PTPN3: variants seen among roughly 807,000 people sequenced by gnomAD.
PTPN3 encodes protein tyrosine phosphatase non-receptor type 3.
In PTPN3, 96 loss-of-function variants were observed where a neutral mutation model predicts 132.7. The observed-to-expected ratio is 0.72, with a 90% CI of 0.61 to 0.86. The LOEUF (loss-of-function observed/expected upper bound fraction) is 0.86, where lower values mean the gene tolerates loss of function less well. Among genes scored for constraint, PTPN3 ranks in the 40% least tolerant of loss-of-function variants. PTPN3 has a pLI of 0.00. For synonymous variants in PTPN3, 398 were observed against 429.0 expected, an observed-to-expected ratio of 0.93 and a Z score of 0.89; for missense variants, 1,125 against 1,159.6, an observed-to-expected ratio of 0.97 and a Z score of 0.43.
chr9:109,444,110 A>G (rs549738621), intron 7 of PTPN3, among the ~76,000 whole-genome samples: 1 of 152,326 alleles, frequency 6.6e-6, no homozygotes, highest in South Asian at 2.1e-4. Context: ...AGACCTGATC[A>G]TCTTGCTGCC....
intron 1 of PTPN3, among the ~76,000 whole-genome samples, chr9:109,482,442 CA>C (rs750711666): frequency 7.9e-5 from 12 of 152,070 alleles, no homozygotes; most frequent in South Asian, 2.1e-4. Context: ...ATCTGAAAGA[CA>C]AAAAAACCCC....
chr9:109,531,417 A>T, the PTPN3 span, among the ~76,000 whole-genome samples: 3 of 152,312 alleles, frequency 2.0e-5, no homozygotes, highest in Non-Finnish European at 1.5e-5. Flanking sequence ...AACCCTGATC[A>T]TGCCAAAAGC....
the PTPN3 span, among the ~76,000 whole-genome samples, chr9:109,514,141 C>A: frequency 5.1e-3 from 776 of 152,314 alleles, 13 homozygotes; most frequent in African/African-American, 0.018. Context: ...TTTCTCACAT[C>A]CTTCCCAAGC....
At chr9:109,531,615 G>A in the PTPN3 span, among the ~76,000 whole-genome samples, 2 of 152,346 alleles carry the variant, frequency 1.3e-5, no homozygotes, top group East Asian at 1.9e-4. Context: ...ACCTTCAGGT[G>A]TAGTTTTGAG....
chr9:109,530,930 T>C, the PTPN3 span, among the ~76,000 whole-genome samples: 1 of 152,226 alleles, frequency 6.6e-6, no homozygotes, highest in Non-Finnish European at 1.5e-5. Context: ...GTTGTTGTTG[T>C]TGAGTTTTAT....
chr9:109,385,630 G>A (rs548203649), intron 22 of PTPN3, among the ~76,000 whole-genome samples: 11 of 152,154 alleles, frequency 7.2e-5, no homozygotes, highest in Non-Finnish European at 1.6e-4. Context: ...GTAATACTCT[G>A]GAATGACAAG....
chr9:109,514,460 A>G, the PTPN3 span, among the ~76,000 whole-genome samples: 12 of 152,166 alleles, frequency 7.9e-5, no homozygotes, highest in Non-Finnish European at 4.4e-5. Flanking sequence ...GGGGGTTTTC[A>G]TTCATTCAGG....
chr9:109,433,164 G>A lies in PTPN3; in HGVS notation c.676-3C>T. On this transcript the variant is annotated splice_polypyrimidine_tract_variant and splice_region_variant and intron_variant, in intron 9 of 25. Transcript: ENST00000374541. ...ATTAGGTCTAAATTGTGCAGATCCT[G>A]TAAAAAGGAAGATCTCAGATCCACA... 1.2e-6 allele frequency: 2 copies of A among 1,613,884 alleles called. No homozygotes were observed. The highest frequency in any genetic ancestry group is 1.7e-6 in the Non-Finnish European group (2 of 1,179,950).
At chr9:109,404,716 A>G in intron 18 of PTPN3, 108 bp from the exon 19 acceptor site, 2 of 1,209,552 alleles carry the variant, frequency 1.7e-6, no homozygotes, top group Non-Finnish European at 2.1e-6. Context: ...GGTTCAAAAC[A>G]TCTTATTAAA....
rs1842000206 is a variant in PTPN3 at position 109,410,512 on chromosome 9, T to C, written c.1314-97A>G. On this transcript the variant is annotated intron_variant, in intron 14 of 25. Transcript: ENST00000374541. ...AGGGGCCTGGCAGCTGGGGGCTGTA[T>C]GTTTCCCTGGAACCTCAGCTGCATA... is the stretch of plus-strand genomic sequence containing the variant. 5.2e-6 allele frequency: 7 copies of C among 1,346,616 alleles called. No homozygotes were observed. In the South Asian group the frequency reaches 8.2e-5, roughly 16 times the overall value. 83.4% of individuals were successfully genotyped at this position (1,346,616 alleles called of 1,614,324 possible).
At chr9:109,389,011 T>C (rs13302720) in intron 22 of PTPN3, among the ~76,000 whole-genome samples, 68,611 of 151,968 alleles carry the variant, frequency 0.45, 15,791 homozygotes, top group South Asian at 0.69. Flanking sequence ...CTAGGGGAAG[T>C]GCCTTCTGGC....
rs552124829 is a variant in PTPN3, at chr9:109,449,991, T to C, written c.369-1136A>G. 6 of 983,684 alleles carry C rather than the reference T, an allele frequency of 6.1e-6. No individual in the cohort carries two copies. The East Asian group carries it at 5.7e-4, about 93-fold the overall frequency. The allele number at this position is 983,684 out of a possible 1,614,324, so 60.9% of individuals were successfully genotyped here. ...TAACTCTGTAAGGTAGGTACCACTA[T>C]CTCCATTTTTACAGATGACAAAATC... is the stretch of plus-strand genomic sequence containing the variant. On this transcript the variant is annotated intron_variant, in intron 5 of 25. Transcript: ENST00000374541.
chr9:109,385,410 T>C (rs754961727), intron 22 of PTPN3, among the ~76,000 whole-genome samples: 3 of 152,232 alleles, frequency 2.0e-5, no homozygotes, highest in Non-Finnish European at 4.4e-5. Flanking sequence ...TTCAGAACGG[T>C]AGATGCTAAG....
chr9:109,385,533 A>G (rs1839507976), intron 22 of PTPN3, among the ~76,000 whole-genome samples: 1 of 152,214 alleles, frequency 6.6e-6, no homozygotes, highest in South Asian at 2.1e-4. Flanking sequence ...GGCTCAGAGA[A>G]TGAATCAGTG....
the PTPN3 span, among the ~76,000 whole-genome samples, chr9:109,518,677 G>A: frequency 6.6e-6 from 1 of 152,100 alleles, no homozygotes; most frequent in South Asian, 2.1e-4. Context: ...TGGGCTTGAG[G>A]GCCCTGAGGT....
chr9:109,440,647 G>C (rs111944631), intron 7 of PTPN3, among the ~76,000 whole-genome samples: 5 of 152,210 alleles, frequency 3.3e-5, no homozygotes, highest in African/African-American at 1.2e-4. Context: ...TCAAGGTGGA[G>C]TCCTATGAAC....
chr9:109,469,116 G>C (rs958532272), intron 1 of PTPN3, among the ~76,000 whole-genome samples: 1 of 152,198 alleles, frequency 6.6e-6, no homozygotes, highest in Non-Finnish European at 1.5e-5. Context: ...TGGGAGTCAG[G>C]GTTGGGTAAC....
intron 13 of PTPN3, 54 bp from the exon 14 acceptor site, chr9:109,420,654 AT>A: frequency 6.5e-7 from 1 of 1,534,184 alleles, no homozygotes. Flanking sequence ...CCACTTAAAA[AT>A]TTTATTAGAC....
intron 5 of PTPN3, among the ~76,000 whole-genome samples, chr9:109,452,804 T>TC (rs1554799350): frequency 6.6e-6 from 1 of 152,166 alleles, no homozygotes; most frequent in Non-Finnish European, 1.5e-5. Context: ...CAAGTGACCC[T>TC]CCCGCCTTGG....
Sources: gnomAD v4.1 joint callset for allele counts (sites outside exome capture counted in the v4.1 genomes callset) on GRCh38, gnomAD v4.1.1 for gene constraint, MANE v1.5 for transcripts, NCBI Gene and HGNC (gene_info 2026-07-23, HGNC 2026-07-21) for gene names.